The following NECTIN4 variants were observed in gnomAD, a reference collection of about 807,000 sequenced individuals.
The protein encoded by NECTIN4 is nectin-4.
Under a neutral mutation model 51.7 loss-of-function variants are expected in NECTIN4, and 19 were observed. The observed-to-expected ratio is 0.37, with a 90% CI of 0.26 to 0.54. NECTIN4 has a LOEUF of 0.54. Ranked by LOEUF, NECTIN4 falls within the 20% of genes least tolerant of loss-of-function variation. The pLI, the probability that NECTIN4 is intolerant of heterozygous loss-of-function variation, is 0.86. For missense variants in NECTIN4, 619 were observed against 662.4 expected, an observed-to-expected ratio of 0.93 and a Z score of 0.72; for synonymous variants, 283 against 286.9, an observed-to-expected ratio of 0.99 and a Z score of 0.14.
At position 161,072,348 on chromosome 1, in the gene NECTIN4, A is replaced by T. The variant is rs548491230; in HGVS notation, c.*313T>A. On this transcript the variant is annotated 3_prime_UTR_variant, in exon 9 of 9. Coordinates refer to ENST00000368012, the MANE Select transcript of NECTIN4 (RefSeq NM_030916.3). ...ATACACCACAGTTCACTTGACTCTG[A>T]TATGACAGCATAATACACACCACGG... 2.1e-6 allele frequency: 1 copy of T among 467,968 alleles called. No individual in the cohort carries two copies. The highest frequency in any genetic ancestry group is 4.3e-5 in the East Asian group (1 of 23,516). The allele number at this position is 467,968 out of a possible 1,614,324, so 29.0% of individuals were successfully genotyped here.
chr1:161,080,965 G>T (rs1653655265), intron 1 of NECTIN4, among the ~76,000 whole-genome samples: 1 of 152,190 alleles, frequency 6.6e-6, no homozygotes, highest in Non-Finnish European at 1.5e-5. Context: ...GTGGGATGGG[G>T]CAATCACTAT....
Position 161,072,597 on chromosome 1 carries a change from G to A in NECTIN4, c.*64C>T. The A allele has an allele frequency of 1.4e-6, 2 of 1,405,740 alleles. No homozygotes were observed. The highest frequency in any genetic ancestry group is 2.0e-6 in the Non-Finnish European group (2 of 989,674). 87.1% of individuals were successfully genotyped at this position (1,405,740 alleles called of 1,614,324 possible). On this transcript the variant is annotated 3_prime_UTR_variant, in exon 9 of 9. Coordinates refer to ENST00000368012, the MANE Select transcript of NECTIN4 (RefSeq NM_030916.3). ...TGGGGGTGTTTAAGGAGGCCCCCAA[G>A]ATGAGCTAAAATCTCCCATGTCAAC...
Position 161,089,134 on chromosome 1 carries a change from G to C in NECTIN4, c.79+84C>G. On this transcript the variant is annotated intron_variant, in intron 1 of 8. Transcript: ENST00000368012. This position sits in a 1 kb window ranked among gnomAD's most constrained non-coding sequence, Gnocchi z 4.1. The stretch of plus-strand genomic sequence containing the variant: ...GAAAGGAGGATATGTGTGTGCGTGC[G>C]TGTGTGTCTATGTGTTTGTGCATGT... 8.6e-7 allele frequency: 1 copy of C among 1,166,230 alleles called. No individual in the cohort carries two copies. Among genetic ancestry groups the C allele is most frequent in the South Asian group, 1.2e-5 (1 of 82,262 alleles). The allele number at this position is 1,166,230 out of a possible 1,614,324, so 72.2% of individuals were successfully genotyped here.
chr1:161,079,454 A>G, intron 2 of NECTIN4, 136 bp downstream of exon 2: 1 of 1,193,224 alleles, frequency 8.4e-7, no homozygotes, highest in Non-Finnish European at 1.2e-6. Flanking sequence ...AGCTAGCTGG[A>G]TGAAGCTCCC....
Position 161,080,059 on chromosome 1 carries a change from G to A in NECTIN4, c.80-110C>T, listed in dbSNP as rs893473483. Reference sequence around the variant, plus strand: ...GTGACCGGAACTCCTGGAGCATTTGGGCTTGCAAAGCACATTCAGTTCATT... The same window carrying A: ...GTGACCGGAACTCCTGGAGCATTTGAGCTTGCAAAGCACATTCAGTTCATT... On this transcript the variant is annotated intron_variant, in intron 1 of 8. Transcript: ENST00000368012. The A allele has an allele frequency of 2.4e-5, 33 of 1,351,100 alleles. No homozygotes were observed. The African/African-American group carries it at 4.8e-4, about 20-fold the overall frequency. The allele number at this position is 1,351,100 out of a possible 1,614,324, so 83.7% of individuals were successfully genotyped here.
intron 1 of NECTIN4, among the ~76,000 whole-genome samples, chr1:161,088,285 C>G (rs1443670180): frequency 1.3e-5 from 2 of 152,086 alleles, no homozygotes; most frequent in Non-Finnish European, 2.9e-5. Context: ...TCAAACTGTC[C>G]TGTCCAGATC....
intron 2 of NECTIN4, 50 bp downstream of exon 2, chr1:161,079,540 T>A (rs772430645): frequency 6.3e-7 from 1 of 1,594,840 alleles, no homozygotes; most frequent in Non-Finnish European, 8.5e-7. Flanking sequence ...CATCTCTGCT[T>A]CCCCCTGCAT....
chr1:161,088,229 T>A (rs1654036196), intron 1 of NECTIN4, among the ~76,000 whole-genome samples: 1 of 152,112 alleles, frequency 6.6e-6, no homozygotes, highest in Non-Finnish European at 1.5e-5. Context: ...TGCCAGATCT[T>A]GCTGGGCAAC....
intron 1 of NECTIN4, among the ~76,000 whole-genome samples, chr1:161,088,840 G>C (rs1439000855): frequency 1.3e-5 from 2 of 152,116 alleles, no homozygotes; most frequent in Non-Finnish European, 2.9e-5. Context: ...AGCCCAGGGG[G>C]TAGGCCAAGG....
At position 161,073,277 on chromosome 1, in the gene NECTIN4, C is replaced by T. The variant is rs1164459558; in HGVS notation, c.1256G>A (p.Arg419Lys). Residue 419 changes from arginine (R) to lysine (K), a missense_variant, in exon 8 of 9, where the codon AGA (arginine) becomes AAA (lysine). Arg to Lys is a conservative substitution (Grantham distance 26). Around this residue, in one of 3 missense-constraint regions of NECTIN4, gnomAD observed 364 missense variants for 415.7 expected, o/e 0.88. Transcript: ENST00000368012. Reference sequence around the variant, plus strand: ...GAGACTATCAGGGTGGCCCTCGGCTCTCAGCCCTACACTCTCCTCCGGCTG... The same window carrying T: ...GAGACTATCAGGGTGGCCCTCGGCTTTCAGCCCTACACTCTCCTCCGGCTG... ...RSQPEESVGLRAEGHPDSLKD... is the reference protein window; with the variant it reads ...RSQPEESVGLKAEGHPDSLKD... The T allele has an allele frequency of 4.3e-6, 7 of 1,614,126 alleles. No homozygotes were observed. The Middle Eastern group carries it at 4.9e-4, about 114-fold the overall frequency.
chr1:161,082,567 A>C (rs1316773682), intron 1 of NECTIN4, among the ~76,000 whole-genome samples: 1 of 152,120 alleles, frequency 6.6e-6, no homozygotes, highest in Non-Finnish European at 1.5e-5. Context: ...CACATAGAGC[A>C]CAGGAAGGGG....
chr1:161,077,333 T>G, intron 3 of NECTIN4, 120 bp downstream of exon 3: 1 of 851,954 alleles, frequency 1.2e-6, no homozygotes, highest in Non-Finnish European at 1.8e-6. Context: ...CTCTGTCACA[T>G]ACTATATATA....
intron 2 of NECTIN4, 46 bp downstream of exon 2, chr1:161,079,544 C>G (rs775839152): frequency 6.3e-7 from 1 of 1,597,216 alleles, no homozygotes; most frequent in Non-Finnish European, 8.5e-7. Context: ...TCTGCTTCCC[C>G]CTGCATCCAC....
In NECTIN4 at chr1:161,079,698, A is replaced by C; in HGVS notation, c.331T>G (p.Ser111Ala). ...TGCACTGCGTTGCGCAGGAGCACTGAGCCGTCCAGGGGGTTGCGTGGGGGC... is the reference window on the plus strand; with the variant it reads ...TGCACTGCGTTGCGCAGGAGCACTGCGCCGTCCAGGGGGTTGCGTGGGGGC... ...PPPPRNPLDG[S>A]VLLRNAVQAD... The change falls in exon 2 of 9, where the codon TCA (serine) becomes GCA (alanine). Residue 111 changes from serine (S) to alanine (A), a missense_variant. This residue lies in a region of NECTIN4 where 218 missense variants were observed against 186.3 expected (regional missense o/e 1.17). Transcript: ENST00000368012. 1 of 1,608,386 alleles carries C rather than the reference A, an allele frequency of 6.2e-7. No homozygotes were observed. The highest frequency in any genetic ancestry group is 8.5e-7 in the Non-Finnish European group (1 of 1,179,622).
At chr1:161,077,816 A>C in intron 2 of NECTIN4, 73 bp from the exon 3 acceptor site, 1 of 1,396,046 alleles carries the variant, frequency 7.2e-7, no homozygotes, top group Admixed American at 2.1e-5. Context: ...ATCGCATTTC[A>C]GTCTTGCACA....
At chr1:161,077,020 C>T (rs569373167) in intron 3 of NECTIN4, among the ~76,000 whole-genome samples, 27 of 152,288 alleles carry the variant, frequency 1.8e-4, no homozygotes, top group South Asian at 8.3e-4. Context: ...TTTCTAATTC[C>T]CATCAAAACC....
chr1:161,073,453 A>T (rs1478065599), intron 7 of NECTIN4, among the ~76,000 whole-genome samples, 154 bp from the exon 8 acceptor site: 1 of 152,138 alleles, frequency 6.6e-6, no homozygotes. Flanking sequence ...TCATTTCCCC[A>T]CTGCGACCAC....
intron 1 of NECTIN4, among the ~76,000 whole-genome samples, chr1:161,084,220 G>A (rs1184041789): frequency 6.6e-6 from 1 of 152,166 alleles, no homozygotes; most frequent in Non-Finnish European, 1.5e-5. Flanking sequence ...CTTATCTTAG[G>A]GGCATATACG....
Position 161,072,622 on chromosome 1 carries a change from CAGA to C in NECTIN4, c.*36_*38del, listed in dbSNP as rs984167334. 2 of 1,562,126 alleles carry C rather than the reference CAGA, an allele frequency of 1.3e-6. No homozygotes were observed. The highest frequency in any genetic ancestry group is 1.4e-5 in the African/African-American group (1 of 73,830). ...GATGAGCTAAAATCTCCCATGTCAA[CAGA>C]AGGAGCCAGGCCTAGGGAAGGGAGG... On this transcript the variant is annotated 3_prime_UTR_variant, in exon 9 of 9. Transcript: ENST00000368012.
Sources: gnomAD v4.1 joint callset for allele counts (sites outside exome capture counted in the v4.1 genomes callset) on GRCh38, gnomAD v4.1.1 for gene constraint, gnomAD v4.1.1 regional missense constraint, Gnocchi (gnomAD v3.1) non-coding constraint, MANE v1.5 for transcripts, NCBI Gene and HGNC (gene_info 2026-07-23, HGNC 2026-07-21) for gene names.